Variants in EPHA7 observed in about 807,000 individuals in gnomAD.
EPHA7 encodes EPH receptor A7, also known as ephrin type-A receptor 7.
Under a neutral mutation model 112.6 loss-of-function variants are expected in EPHA7, and 25 were observed. That is an observed-to-expected ratio of 0.22 (90% CI 0.16 to 0.31). EPHA7 has a LOEUF of 0.31. Ranked by LOEUF, EPHA7 falls within the 10% of genes least tolerant of loss-of-function variation. The probability of loss-of-function intolerance (pLI) is 1.00; values close to 1 mark genes in which losing one functional copy is unlikely to be tolerated. For missense variants in EPHA7, 962 were observed against 1,212.6 expected (o/e 0.79, Z 3.07); for synonymous variants, 437 against 406.5 (o/e 1.07, Z -0.90).
chr6:93,356,388 A>G (rs781324349), intron 5 of EPHA7, among the ~76,000 whole-genome samples: 159 of 152,062 alleles, frequency 1.0e-3, no homozygotes, highest in Non-Finnish European at 2.0e-3. Flanking sequence ...TTGTATTTTT[A>G]GTAGAGATGG....
At chr6:93,380,421 G>A (rs1241413304) in intron 3 of EPHA7, among the ~76,000 whole-genome samples, 4 of 152,012 alleles carry the variant, frequency 2.6e-5, no homozygotes, top group African/African-American at 9.7e-5. Flanking sequence ...AGAACAAGAG[G>A]TATAAAGAGT....
At chr6:93,372,119 G>A (rs1471291102) in intron 3 of EPHA7, among the ~76,000 whole-genome samples, 1 of 152,016 alleles carries the variant, frequency 6.6e-6, no homozygotes, top group African/African-American at 2.4e-5. Flanking sequence ...AAAGCTAAGG[G>A]GTGAATGATT....
At chr6:93,300,909 T>C (rs957313574) in intron 5 of EPHA7, among the ~76,000 whole-genome samples, 2 of 152,194 alleles carry the variant, frequency 1.3e-5, no homozygotes, top group Non-Finnish European at 1.5e-5. Context: ...ACCTAGGCTA[T>C]GAGGCCTACC....
At chr6:93,354,645 A>C (rs1272255333) in intron 5 of EPHA7, among the ~76,000 whole-genome samples, 3 of 150,748 alleles carry the variant, frequency 2.0e-5, no homozygotes, top group African/African-American at 4.8e-5. Context: ...AAAAAAAAAA[A>C]AAAACCCTCC....
rs1769976405 is a variant in EPHA7 at position 93,246,844 on chromosome 6, T to G, written c.2674A>C (p.Lys892Gln). The change falls in exon 15 of 17, where the codon AAA (lysine) becomes CAA (glutamine). Residue 892 changes from lysine (K) to glutamine (Q), a missense_variant. This residue lies in a region of EPHA7 where 746 missense variants were observed against 889.2 expected (regional missense o/e 0.84). Coordinates refer to ENST00000369303, the MANE Select transcript of EPHA7 (RefSeq NM_004440.4). The stretch of plus-strand genomic sequence containing the variant: ...AGACTATTTGGGTTTCGAATCATTT[T>G]GTCTAGAATTCCAACTATCTGTTCA... ...KFEQIVGILDKMIRNPNSLKT... is the reference protein window; with the variant it reads ...KFEQIVGILDQMIRNPNSLKT... The G allele has an allele frequency of 1.9e-6, 3 of 1,613,298 alleles. No homozygotes were observed. Among genetic ancestry groups the G allele is most frequent in the Non-Finnish European group, 2.5e-6 (3 of 1,179,288 alleles).
At chr6:93,304,673 T>A (rs1353707578) in intron 5 of EPHA7, among the ~76,000 whole-genome samples, 1 of 152,120 alleles carries the variant, frequency 6.6e-6, no homozygotes, top group Non-Finnish European at 1.5e-5. Context: ...TTAGATTATG[T>A]CACTCCTCTG....
rs2127945009 is a variant in EPHA7, at chr6:93,357,018, G to A, written c.1023C>T (p.Asn341=). The A allele has an allele frequency of 1.9e-6, 3 of 1,613,548 alleles. No individual in the cohort carries two copies. The highest frequency in any genetic ancestry group is 1.7e-4 in the Middle Eastern group (1 of 6,054). Residue 341 remains asparagine (N), a synonymous_variant, in exon 5 of 17, where the codon AAC becomes AAT. Coordinates refer to ENST00000369303, the MANE Select transcript of EPHA7 (RefSeq NM_004440.4). ...PPSAPQNLIF[N]INQTTVSLEW... ...CCAAACTTACTGTGGTTTGGTTGAT[G>A]TTGAAAATGAGGTTCTGTGGTGCAG...
intron 7 of EPHA7, 50 bp downstream of exon 7, chr6:93,269,427 T>C: frequency 6.7e-7 from 1 of 1,486,390 alleles, no homozygotes; most frequent in Non-Finnish European, 9.1e-7. Context: ...AAAATATTAA[T>C]ATATGCTAGA....
chr6:93,259,269 A>T lies in EPHA7; in HGVS notation c.1924+85T>A, dbSNP rs539955928. 267 of 1,535,466 alleles carry T rather than the reference A, an allele frequency of 1.7e-4. 2 individuals carry two copies. In the South Asian group the frequency reaches 2.9e-3, roughly 17 times the overall value. On this transcript the variant is annotated intron_variant, in intron 10 of 16. Transcript: ENST00000369303. ...AATGCAAAAGTTCTATACTTGAGGG[A>T]TAATTATTTGCCTGTCATTATGATG...
chr6:93,408,124 C>T (rs1174374998), intron 3 of EPHA7, among the ~76,000 whole-genome samples: 8 of 151,906 alleles, frequency 5.3e-5, no homozygotes, highest in Admixed American at 3.9e-4. Context: ...ATGTTATTTC[C>T]TATCTTTTCT....
intron 1 of EPHA7, among the ~76,000 whole-genome samples, chr6:93,416,251 C>A (rs1332297589): frequency 6.6e-6 from 1 of 152,116 alleles, no homozygotes; most frequent in East Asian, 1.9e-4. Context: ...TATTTTTATC[C>A]TCAACAACAG....
chr6:93,248,133 A>C (rs1192281808), intron 14 of EPHA7, among the ~76,000 whole-genome samples: 3 of 151,968 alleles, frequency 2.0e-5, no homozygotes, highest in African/African-American at 7.2e-5. Context: ...AAATCTTTGA[A>C]TTTTCAAAGA....
At chr6:93,343,360 C>A (rs1775234590) in intron 5 of EPHA7, among the ~76,000 whole-genome samples, 1 of 151,566 alleles carries the variant, frequency 6.6e-6, no homozygotes, top group Non-Finnish European at 1.5e-5. Flanking sequence ...TCTTTTTACA[C>A]AGTGAAAACT....
rs568358484 is a variant in EPHA7 at position 93,300,449 on chromosome 6, T to A, written c.1325-28027A>T. Among the ~76,000 whole-genome samples, 3 of 152,288 alleles carry A rather than the reference T, an allele frequency of 2.0e-5. No homozygotes were observed. In the East Asian group the frequency reaches 5.8e-4, roughly 29 times the overall value. On this transcript the variant is annotated intron_variant, in intron 5 of 16. Transcript: ENST00000369303. ...CACCTGGAGAAATGTAAGAAATACA[T>A]GCAGTAAGATTTAGGACAATTTTTA...
In EPHA7 at chr6:93,240,820, T is replaced by C. The variant is rs1250223036; in HGVS notation, c.*2606A>G. On this transcript the variant is annotated 3_prime_UTR_variant, in exon 17 of 17. Transcript: ENST00000369303. ...CATCTCATCTCTTTCTGGAAGAGAG[T>C]ATTACAATCAGCATTACAATGTTAA... is the stretch of plus-strand genomic sequence containing the variant. 2 of 211,480 alleles carry C rather than the reference T, an allele frequency of 9.5e-6. No homozygotes were observed. Among genetic ancestry groups the C allele is most frequent in the Non-Finnish European group, 1.9e-5 (2 of 104,324 alleles). The allele number at this position is 211,480 out of a possible 1,614,324, so 13.1% of individuals were successfully genotyped here. A position where few individuals can be genotyped will look rare whatever the true frequency, so the allele number is the denominator to read the frequency against.
intron 5 of EPHA7, among the ~76,000 whole-genome samples, chr6:93,336,511 T>A (rs1316993681): frequency 6.6e-6 from 1 of 152,174 alleles, no homozygotes; most frequent in Non-Finnish European, 1.5e-5. Context: ...CAAGTGATTC[T>A]CCTGCCTCAG....
rs1306272321 is a variant in EPHA7 at position 93,369,259 on chromosome 6, TTC to T, written c.833-10850_833-10849del. Reference sequence around the variant, plus strand: ...ATTTTTAGAAATAAACTAGTAAGAATTCTGACTGTATTTTCATACTTTCTACT... The same window carrying T: ...ATTTTTAGAAATAAACTAGTAAGAATTGACTGTATTTTCATACTTTCTACT... On this transcript the variant is annotated intron_variant, in intron 3 of 16. Coordinates refer to ENST00000369303, the MANE Select transcript of EPHA7 (RefSeq NM_004440.4). Among the ~76,000 whole-genome samples the T allele has an allele frequency of 1.3e-4, 20 of 151,026 alleles. No homozygotes were observed. The South Asian group carries it at 2.5e-3, about 19-fold the overall frequency.
chr6:93,418,440 G>C (rs572902887), intron 1 of EPHA7, among the ~76,000 whole-genome samples: 2 of 152,224 alleles, frequency 1.3e-5, no homozygotes, highest in African/African-American at 4.8e-5. Flanking sequence ...GCACTATGGG[G>C]CAAATAATTG....
chr6:93,354,612 C>A (rs1775850286), intron 5 of EPHA7, among the ~76,000 whole-genome samples: 1 of 140,582 alleles, frequency 7.1e-6, no homozygotes. Context: ...ACATTTAAAT[C>A]AACCTCCCCC....
Sources: allele counts gnomAD v4.1 joint callset (sites outside exome capture counted in the v4.1 genomes callset), GRCh38; gene constraint gnomAD v4.1.1; regional missense constraint gnomAD v4.1.1; transcripts MANE v1.5; gene names NCBI Gene and HGNC (gene_info 2026-07-23, HGNC 2026-07-21).